The following ADAMTSL5 variants were observed in gnomAD, a reference collection of about 807,000 sequenced individuals.
ADAMTSL5 encodes the protein ADAMTS-like protein 5.
A neutral mutation model predicts 51.7 loss-of-function variants in ADAMTSL5; 53 were observed. That is an observed-to-expected ratio of 1.03 (90% CI 0.82 to 1.29). The LOEUF is 1.29. Ranked by LOEUF, ADAMTSL5 falls within the 50% of genes most tolerant of loss-of-function variation. ADAMTSL5 has a pLI of 0.00. For synonymous variants in ADAMTSL5, 285 were observed against 278.7 expected, an observed-to-expected ratio of 1.02 and a Z score of -0.23; for missense variants, 770 against 676.2, an observed-to-expected ratio of 1.14 and a Z score of -1.54.
At chr19:1,509,730 TG>T (rs1913160116) in intron 5 of ADAMTSL5, among the ~76,000 whole-genome samples, 1 of 152,042 alleles carries the variant, frequency 6.6e-6, no homozygotes, top group African/African-American at 2.4e-5. Context: ...GATGGCACTT[TG>T]TCCATTCTAG....
Position 1,511,080 on chromosome 19 carries a change from A to G in ADAMTSL5, c.-137T>C. On this transcript the variant is annotated 5_prime_UTR_variant, in exon 2 of 12. Transcript: ENST00000330475. ...GGGTAATAGAGCCTCCCTTACAGGA[A>G]AGTTGAGGGGTCCTGTGGATCAGGT... 1 of 574,354 alleles carries G rather than the reference A, an allele frequency of 1.7e-6. No homozygotes were observed. The highest frequency in any genetic ancestry group is 2.7e-6 in the Non-Finnish European group (1 of 376,684). The allele number at this position is 574,354 out of a possible 1,614,324, so 35.6% of individuals were successfully genotyped here.
intron 5 of ADAMTSL5, 140 bp from the exon 6 acceptor site, chr19:1,508,710 G>A: frequency 8.0e-7 from 1 of 1,251,846 alleles, no homozygotes; most frequent in Non-Finnish European, 1.1e-6. Flanking sequence ...GGCTGAGGCA[G>A]AGCCAGGACT....
rs1422303949 is a variant in ADAMTSL5, at chr19:1,507,309, G to T, written c.785C>A (p.Thr262Asn). ...TGTCTCCTGGGGCCCTGTGTCTCGG[G>T]TGTAGACCACATGCGTGCCGGCCGC... Reference protein sequence around the residue: ...YEAAGTHVVYTRDTGPQETLQ... With the variant: ...YEAAGTHVVYNRDTGPQETLQ... The change falls in exon 9 of 12, where the codon ACC becomes AAC. Residue 262 changes from threonine to asparagine, a missense_variant. Coordinates refer to ENST00000330475, the MANE Select transcript of ADAMTSL5 (RefSeq NM_213604.3). 6.3e-7 allele frequency: 1 copy of T among 1,594,556 alleles called. No homozygotes were observed.
chr19:1,509,627 AGGG>A (rs1599288332), intron 5 of ADAMTSL5, among the ~76,000 whole-genome samples: 47 of 87,884 alleles, frequency 5.3e-4, no homozygotes, highest in East Asian at 1.8e-3. Flanking sequence ...GAAGGAAGGG[AGGG>A]AGGGAGGGAG....
rs754831315 is a variant in ADAMTSL5, at chr19:1,506,603, G to A, written c.1101C>T (p.Cys367=). ...CGGGGGTCTCACCAAAGTCACTGCC[G>A]CAATAGTGGAGTAGTCGGTGGGCGC... ...RGRAHRLLHY[C]GSDFVFQARV... is the part of the protein sequence containing the mutation. The change falls in exon 11 of 12, where the codon TGC becomes TGT. Residue 367 remains cysteine (C), a synonymous_variant. Transcript: ENST00000330475. This position sits in a 1 kb window ranked among gnomAD's most constrained non-coding sequence, Gnocchi z 5.6. The A allele has an allele frequency of 6.2e-6, 10 of 1,611,444 alleles. No individual in the cohort carries two copies. The highest frequency in any genetic ancestry group is 2.2e-5 in the South Asian group (2 of 90,382).
chr19:1,511,839 C>T (rs1599292015), intron 1 of ADAMTSL5: 1 of 323,178 alleles, frequency 3.1e-6, no homozygotes, highest in South Asian at 2.4e-5. Context: ...CAGGGAGTCC[C>T]CCGGATTGGG....
chr19:1,510,544 G>A, intron 3 of ADAMTSL5, 95 bp downstream of exon 3: 2 of 1,486,908 alleles, frequency 1.3e-6, no homozygotes, highest in Non-Finnish European at 1.8e-6. Context: ...GGGATTAAAG[G>A]GCACAGCATG....
In ADAMTSL5 at chr19:1,505,262, G is replaced by T; in HGVS notation, c.*753C>A. 6.6e-6 allele frequency: 1 copy of T among 152,314 alleles called. No homozygotes were observed. The highest frequency in any genetic ancestry group is 6.6e-5 in the Admixed American group (1 of 15,262). The allele number at this position is 152,314 out of a possible 1,614,324, so 9.4% of individuals were successfully genotyped here. The stretch of plus-strand genomic sequence containing the variant: ...TCACACCTGGAGTTCCAGCTGCTGT[G>T]GAGGCTGAGGTGGGAGGATCGCTTG... On this transcript the variant is annotated 3_prime_UTR_variant, in exon 12 of 12. Coordinates refer to ENST00000330475, the MANE Select transcript of ADAMTSL5 (RefSeq NM_213604.3).
At position 1,507,471 on chromosome 19, in the gene ADAMTSL5, T is replaced by G. The variant is rs1913004850; in HGVS notation, c.689-66A>C. The G allele has an allele frequency of 1.9e-6, 3 of 1,609,394 alleles. No homozygotes were observed. In the East Asian group the frequency reaches 6.7e-5, roughly 36 times the overall value. ...TCTCCCAGACCCTGGGGTCCCCTCCTCAGGCCTCAGTCTCCCCATCTGTAA... is the reference window on the plus strand; with the variant it reads ...TCTCCCAGACCCTGGGGTCCCCTCCGCAGGCCTCAGTCTCCCCATCTGTAA... On this transcript the variant is annotated intron_variant, in intron 8 of 11. Coordinates refer to ENST00000330475, the MANE Select transcript of ADAMTSL5 (RefSeq NM_213604.3).
At chr19:1,509,437 G>T (rs1033804705) in intron 5 of ADAMTSL5, among the ~76,000 whole-genome samples, 2 of 151,946 alleles carry the variant, frequency 1.3e-5, no homozygotes, top group Non-Finnish European at 2.9e-5. Context: ...TGAGCTGTCT[G>T]ATCAAACACA....
Position 1,511,018 on chromosome 19 carries a change from A to C in ADAMTSL5, c.-75T>G. On this transcript the variant is annotated 5_prime_UTR_variant, in exon 2 of 12. Transcript: ENST00000330475. ...GCTGTGTGATCTTGGAAAGTAACTAAACCTCTCTGAGCCCTACCTCTCGTC... is the reference window on the plus strand; with the variant it reads ...GCTGTGTGATCTTGGAAAGTAACTACACCTCTCTGAGCCCTACCTCTCGTC... 1.8e-6 allele frequency: 2 copies of C among 1,135,992 alleles called. No individual in the cohort carries two copies. The highest frequency in any genetic ancestry group is 2.3e-6 in the Non-Finnish European group (2 of 863,694). 70.4% of individuals were successfully genotyped at this position (1,135,992 alleles called of 1,614,324 possible).
In ADAMTSL5 at chr19:1,506,014, C is replaced by T; in HGVS notation, c.*1G>A. On this transcript the variant is annotated 3_prime_UTR_variant, in exon 12 of 12. Transcript: ENST00000330475. The surrounding 1 kb of genome is among the most constrained non-coding windows in gnomAD (Gnocchi z 5.6). ...TGTGTGGCCGGGGCTCCTGCAGGGG[C>T]TCAGCCAGGACAGCGCCGGGCAGTC... 1 of 1,550,948 alleles carries T rather than the reference C, an allele frequency of 6.4e-7. No individual in the cohort carries two copies. The highest frequency in any genetic ancestry group is 8.6e-7 in the Non-Finnish European group (1 of 1,156,348).
Position 1,510,999 on chromosome 19 carries a change from T to C in ADAMTSL5, c.-56A>G. On this transcript the variant is annotated 5_prime_UTR_variant, in exon 2 of 12. Coordinates refer to ENST00000330475, the MANE Select transcript of ADAMTSL5 (RefSeq NM_213604.3). ...CCCGGCTCTGCCCTGACTGGCTGTG[T>C]GATCTTGGAAAGTAACTAAACCTCT... 4.7e-6 allele frequency: 6 copies of C among 1,272,564 alleles called. No homozygotes were observed. The highest frequency in any genetic ancestry group is 6.1e-6 in the Non-Finnish European group (6 of 982,710). The allele number at this position is 1,272,564 out of a possible 1,614,324, so 78.8% of individuals were successfully genotyped here.
chr19:1,507,687 T>C, intron 7 of ADAMTSL5, 44 bp from the exon 8 acceptor site: 1 of 1,569,852 alleles, frequency 6.4e-7, no homozygotes, highest in South Asian at 1.1e-5. Flanking sequence ...AGTGGGGGTG[T>C]ATTTGAGCGA....
intron 1 of ADAMTSL5, 58 bp downstream of exon 1, chr19:1,512,905 G>T (rs987848992): frequency 6.6e-6 from 1 of 152,326 alleles, no homozygotes; most frequent in African/African-American, 2.4e-5. Flanking sequence ...AAGGCAAGCC[G>T]CACCTCTGGG....
chr19:1,508,267 C>T (rs1002818313), intron 6 of ADAMTSL5, 158 bp from the exon 7 acceptor site: 3 of 1,195,490 alleles, frequency 2.5e-6, no homozygotes, highest in East Asian at 2.7e-5. Context: ...GGGCTTGGCG[C>T]CCGGGAGTGG....
intron 4 of ADAMTSL5, 26 bp downstream of exon 4, chr19:1,510,342 T>C (rs1242125160): frequency 6.2e-7 from 1 of 1,612,144 alleles, no homozygotes; most frequent in South Asian, 1.1e-5. Context: ...GGTGGGAGAG[T>C]GGTCTGGGAG....
Position 1,509,254 on chromosome 19 carries a change from CAAAAAAAAA to C in ADAMTSL5, c.362-693_362-685del, listed in dbSNP as rs753778097. ...TGGGTGACAGAGCGAGACTCCATCT[CAAAAAAAAA>C]AAAAAAAAAAAAAAAAGAAGATCTG... On this transcript the variant is annotated intron_variant, in intron 5 of 11. Coordinates refer to ENST00000330475, the MANE Select transcript of ADAMTSL5 (RefSeq NM_213604.3). Among the ~76,000 whole-genome samples, 6 of 49,550 alleles carry C rather than the reference CAAAAAAAAA, an allele frequency of 1.2e-4. 1 individual carries two copies. Among genetic ancestry groups the C allele is most frequent in the African/African-American group, 2.0e-4 (2 of 10,150 alleles). The allele number at this position is 49,550 out of a possible 152,430, so 32.5% of individuals were successfully genotyped here.
In ADAMTSL5 at chr19:1,509,859, T is replaced by G. The variant is rs183220319; in HGVS notation, c.361+291A>C. 7.0e-4 allele frequency among the ~76,000 whole-genome samples: 107 copies of G among 152,268 alleles called. 1 individual carries two copies. The highest frequency in any genetic ancestry group is 2.5e-3 in the African/African-American group (104 of 41,546). ...ATATAACTCGCTATTTTCAGCTCAA[T>G]GCAGCAACATTTCCTGCTACTGGGA... On this transcript the variant is annotated intron_variant, in intron 5 of 11. Coordinates refer to ENST00000330475, the MANE Select transcript of ADAMTSL5 (RefSeq NM_213604.3).
Sources: allele counts gnomAD v4.1 joint callset (sites outside exome capture counted in the v4.1 genomes callset), GRCh38; gene constraint gnomAD v4.1.1; non-coding constraint Gnocchi (gnomAD v3.1); transcripts MANE v1.5; gene names NCBI Gene and HGNC (gene_info 2026-07-23, HGNC 2026-07-21).